Variants in ADGRL2 observed in about 807,000 individuals in gnomAD.
ADGRL2 encodes the protein adhesion G protein-coupled receptor L2.
ADGRL2 carries 44 observed loss-of-function variants against 157.4 expected under a neutral mutation model. That is an observed-to-expected ratio of 0.28 (90% confidence interval 0.22 to 0.36). ADGRL2 has a LOEUF of 0.36. Ranked by LOEUF, ADGRL2 falls within the 10% of genes least tolerant of loss-of-function variation. The pLI is 1.00. For missense variants in ADGRL2, 1,510 were observed against 1,768.9 expected (o/e 0.85, Z 2.63); for synonymous variants, 585 against 624.7 (o/e 0.94, Z 0.95).
At chr1:81,718,230 G>A (rs1047585798) in intron 1 of ADGRL2, among the ~76,000 whole-genome samples, 3 of 152,180 alleles carry the variant, frequency 2.0e-5, no homozygotes, top group Non-Finnish European at 2.9e-5. Flanking sequence ...ATGTTGGCCA[G>A]GATGGTCTCG....
chr1:81,865,564 A>T (rs929860041), intron 2 of ADGRL2, among the ~76,000 whole-genome samples: 4 of 152,202 alleles, frequency 2.6e-5, no homozygotes, highest in Non-Finnish European at 5.9e-5. Context: ...CTCATGTGAG[A>T]TTAGTAGTTT....
rs546632282 is a variant in ADGRL2 at position 81,831,784 on chromosome 1, G to T, written c.-100-5101G>T. The stretch of plus-strand genomic sequence containing the variant: ...TACAGTGTAATCTCCCTGTGGATGA[G>T]AAATTTTGTTTCTTTTTTTCCTCAG... On this transcript the variant is annotated intron_variant, in intron 1 of 23. Coordinates refer to ENST00000686636, the MANE Select transcript of ADGRL2 (RefSeq NM_001366006.2). Among the ~76,000 whole-genome samples the T allele has an allele frequency of 3.9e-5, 6 of 152,166 alleles. No individual in the cohort carries two copies. In the South Asian group the frequency reaches 1.0e-3, roughly 26 times the overall value.
chr1:81,782,791 C>A (rs756852845), intron 2 of ADGRL2, among the ~76,000 whole-genome samples: 2 of 152,100 alleles, frequency 1.3e-5, no homozygotes, highest in Non-Finnish European at 2.9e-5. Context: ...GTTCAGCTAG[C>A]CTTTGGAGAG....
At chr1:81,564,075 C>T (rs72935218) in intron 2 of ADGRL2, among the ~76,000 whole-genome samples, 14,874 of 152,106 alleles carry the variant, frequency 0.098, 1,405 homozygotes, top group African/African-American at 0.25. Flanking sequence ...ATGTTTCTAA[C>T]CCCAAAACAA....
intron 2 of ADGRL2, among the ~76,000 whole-genome samples, chr1:81,544,264 G>C (rs2079960202): frequency 1.3e-5 from 2 of 152,036 alleles, no homozygotes; most frequent in Non-Finnish European, 2.9e-5. Context: ...CTAATTTCTA[G>C]AACAGTGTCT....
At chr1:81,567,962 T>C (rs1464253517) in intron 2 of ADGRL2, among the ~76,000 whole-genome samples, 1 of 152,102 alleles carries the variant, frequency 6.6e-6, no homozygotes, top group African/African-American at 2.4e-5. Flanking sequence ...ATCTGAAAAC[T>C]TACATGTATT....
intron 17 of ADGRL2, among the ~76,000 whole-genome samples, chr1:81,976,316 T>C (rs998784307): frequency 2.0e-5 from 3 of 152,068 alleles, no homozygotes; most frequent in Non-Finnish European, 4.4e-5. Context: ...GATGATATTT[T>C]GTCCTCTTCC....
At chr1:81,573,462 A>G (rs1014939251) in intron 2 of ADGRL2, among the ~76,000 whole-genome samples, 2 of 152,020 alleles carry the variant, frequency 1.3e-5, no homozygotes, top group African/African-American at 4.8e-5. Flanking sequence ...AGGTCTGTCT[A>G]TGATCACCAA....
chr1:81,969,302 G>A lies in ADGRL2; in HGVS notation c.2648G>A (p.Arg883Gln), dbSNP rs373312947. 33 of 1,613,788 alleles carry A rather than the reference G, an allele frequency of 2.0e-5. No homozygotes were observed. Among genetic ancestry groups the A allele is most frequent in the East Asian group, 2.0e-4 (9 of 44,874 alleles). Residue 883 changes from arginine to glutamine, a missense_variant, in exon 15 of 24, where the codon CGA becomes CAA. Physicochemically the swap from Arg to Gln is conservative, Grantham distance 43. Around this residue, in one of 4 missense-constraint regions of ADGRL2, gnomAD observed 497 missense variants for 627.2 expected, o/e 0.79. Coordinates refer to ENST00000686636, the MANE Select transcript of ADGRL2 (RefSeq NM_001366006.2). ...FCFFRGLQSD[R>Q]NTIHKNLCIN... ...TTTTTCCGTGGCCTACAGAGTGACC[G>A]AAATACTATTCACAAGAACCTTTGT... is the stretch of plus-strand genomic sequence containing the variant.
intron 2 of ADGRL2, among the ~76,000 whole-genome samples, chr1:81,770,602 T>G (rs1265553868): frequency 1.3e-5 from 2 of 152,048 alleles, no homozygotes; most frequent in African/African-American, 2.4e-5. Context: ...GGCTCCCGAG[T>G]AGCTGGGATT....
intron 2 of ADGRL2, among the ~76,000 whole-genome samples, chr1:81,459,938 A>C (rs933484608): frequency 6.6e-6 from 1 of 151,910 alleles, no homozygotes; most frequent in African/African-American, 2.4e-5. Flanking sequence ...TTTCTATAGC[A>C]GCTGCACAAT....
chr1:81,342,607 T>C (rs977054402), intron 1 of ADGRL2, among the ~76,000 whole-genome samples: 1 of 152,206 alleles, frequency 6.6e-6, no homozygotes, highest in African/African-American at 2.4e-5. Context: ...ATCACTCTAA[T>C]AGGTTTTAAA....
At chr1:81,840,932 C>T (rs763530322) in intron 2 of ADGRL2, among the ~76,000 whole-genome samples, 17 of 151,858 alleles carry the variant, frequency 1.1e-4, no homozygotes, top group Non-Finnish European at 1.8e-4. Context: ...AGCATAGTAC[C>T]CACTGTGGAA....
At chr1:81,361,453 G>C (rs566781994) in intron 1 of ADGRL2, among the ~76,000 whole-genome samples, 1 of 151,990 alleles carries the variant, frequency 6.6e-6, no homozygotes, top group East Asian at 1.9e-4. Context: ...TCTTTGCCCA[G>C]AACTTCAATT....
At chr1:81,986,470 A>ATAAACATCTG (rs1663188921) in intron 21 of ADGRL2, among the ~76,000 whole-genome samples, 1 of 152,058 alleles carries the variant, frequency 6.6e-6, no homozygotes, top group Non-Finnish European at 1.5e-5. Context: ...ATTAACACAG[A>ATAAACATCTG]TGTTTTCATG....
At chr1:81,951,757 G>A (rs1651869536) in intron 8 of ADGRL2, among the ~76,000 whole-genome samples, 200 bp from the exon 9 acceptor site, 1 of 151,902 alleles carries the variant, frequency 6.6e-6, no homozygotes. Context: ...TAAATGCCTG[G>A]TTCAGAATTG....
chr1:81,312,191 A>T (rs1366211330), intron 1 of ADGRL2, among the ~76,000 whole-genome samples: 1 of 152,266 alleles, frequency 6.6e-6, no homozygotes, highest in Non-Finnish European at 1.5e-5. Context: ...ACTATGGAAT[A>T]GTCAATCCAA....
rs116623953 is a variant in ADGRL2 at position 81,718,472 on chromosome 1, A to T, written c.-143+18664A>T. On this transcript the variant is annotated intron_variant, in intron 1 of 20. Transcript: ENST00000359929. ...TTAGAATGTAGCATTAAAAAAAAAA[A>T]ATCCTCTGTGAAAGAAGAACAGATA... Among the ~76,000 whole-genome samples, 540 of 152,260 alleles carry T rather than the reference A, an allele frequency of 3.5e-3. 6 individuals are homozygous for T. In the Middle Eastern group the frequency reaches 0.061, roughly 17 times the overall value.
At position 81,966,544 on chromosome 1, in the gene ADGRL2, A is replaced by G; in HGVS notation, c.2284A>G (p.Ile762Val). The part of the protein sequence containing the change: ...AVNSHVISVS[I>V]NKESSRVYLT... The stretch of plus-strand genomic sequence containing the variant: ...GAACTCTCACGTCATTTCAGTTTCA[A>G]TCAATAAAGAGTCCAGCCGAGTATA... Residue 762 changes from isoleucine (I) to valine (V), a missense_variant, in exon 13 of 24, where the codon ATC (isoleucine) becomes GTC (valine). By Grantham distance (29) the Ile-to-Val change is conservative (BLOSUM62 3). Around this residue, in one of 4 missense-constraint regions of ADGRL2, gnomAD observed 497 missense variants for 627.2 expected, o/e 0.79. Coordinates refer to ENST00000686636, the MANE Select transcript of ADGRL2 (RefSeq NM_001366006.2). 2 of 1,614,090 alleles carry G rather than the reference A, an allele frequency of 1.2e-6. No individual in the cohort carries two copies. Among genetic ancestry groups the G allele is most frequent in the South Asian group, 1.1e-5 (1 of 91,084 alleles).
Sources: gnomAD v4.1 joint callset for allele counts (sites outside exome capture counted in the v4.1 genomes callset) on GRCh38, gnomAD v4.1.1 for gene constraint, gnomAD v4.1.1 regional missense constraint, MANE v1.5 for transcripts, NCBI Gene and HGNC (gene_info 2026-07-23, HGNC 2026-07-21) for gene names.